The following TNPO3 variants were observed in gnomAD, a reference collection of about 807,000 sequenced individuals.
TNPO3 encodes the protein transportin-3.
Under a neutral mutation model 122.8 loss-of-function variants are expected in TNPO3, and 65 were observed. The ratio of observed to expected loss-of-function variants is 0.53; its 90% confidence interval spans 0.43 to 0.65. The LOEUF (loss-of-function observed/expected upper bound fraction) is 0.65, where lower values mean the gene tolerates loss of function less well. TNPO3 is among the 30% of genes least tolerant of loss of function. The pLI is 0.00. For synonymous variants in TNPO3, 372 were observed against 411.2 expected (o/e 0.90, Z 1.15); for missense variants, 850 against 1,136.7 (o/e 0.75, Z 3.63).
chr7:128,965,340 T>G (rs1041639091), intron 21 of TNPO3, among the ~76,000 whole-genome samples: 8 of 152,098 alleles, frequency 5.3e-5, no homozygotes, highest in African/African-American at 1.9e-4. Flanking sequence ...ATGCTCAACA[T>G]CACTAATCAT....
chr7:128,962,775 G>A (rs1343797460), intron 21 of TNPO3, among the ~76,000 whole-genome samples: 1 of 151,980 alleles, frequency 6.6e-6, no homozygotes, highest in Admixed American at 6.5e-5. Context: ...GGTTGGTGGT[G>A]CACCTTATTT....
chr7:128,966,515 G>A (rs562300827), intron 21 of TNPO3, among the ~76,000 whole-genome samples: 5 of 152,160 alleles, frequency 3.3e-5, no homozygotes, highest in African/African-American at 7.2e-5. Flanking sequence ...CCTTTGATTC[G>A]GTGATTACAT....
chr7:128,987,668 T>C (rs1403140229), intron 11 of TNPO3, among the ~76,000 whole-genome samples: 1 of 152,032 alleles, frequency 6.6e-6, no homozygotes, highest in Non-Finnish European at 1.5e-5. Context: ...GCAACCTCCA[T>C]CTCGCAGGTT....
chr7:129,040,596 T>G (rs1382227766), intron 1 of TNPO3, among the ~76,000 whole-genome samples: 1 of 152,120 alleles, frequency 6.6e-6, no homozygotes, highest in East Asian at 1.9e-4. Context: ...GAAAATTACC[T>G]CTCGTTAAAA....
intron 21 of TNPO3, among the ~76,000 whole-genome samples, chr7:128,962,103 C>T (rs966677491): frequency 2.7e-4 from 41 of 151,860 alleles, no homozygotes; most frequent in Non-Finnish European, 4.0e-4. Context: ...CGGTGGCTCA[C>T]ACCTGTAATC....
intron 7 of TNPO3, among the ~76,000 whole-genome samples, chr7:128,998,352 C>A (rs1346391536): frequency 1.3e-5 from 2 of 152,078 alleles, no homozygotes; most frequent in East Asian, 2.0e-4. Context: ...AGAGTGAGAC[C>A]CTGTCTCAAA....
chr7:128,958,435 G>T (rs6966382), intron 21 of TNPO3, among the ~76,000 whole-genome samples: 2,046 of 152,174 alleles, frequency 0.013, 34 homozygotes, highest in African/African-American at 0.046. Context: ...GAGCCACCGC[G>T]CCCAGCCAGG....
Position 129,001,056 on chromosome 7 carries a change from CACTT to C in TNPO3, c.871_872+2del. The C allele has an allele frequency of 1.2e-6, 2 of 1,613,356 alleles. No individual in the cohort carries two copies. Among genetic ancestry groups the C allele is most frequent in the Non-Finnish European group, 1.7e-6 (2 of 1,179,326 alleles). On this transcript the variant is annotated splice_donor_variant and coding_sequence_variant, in exon 6 of 23. Transcript: ENST00000265388. LOFTEE classifies it high-confidence loss of function. Reference sequence around the variant, plus strand: ...AGGGCTCCAGACTTAAACAATTACTCACTTGTCTAAATCTTCACGTGCCACGGCC... The same window carrying C: ...AGGGCTCCAGACTTAAACAATTACTCGTCTAAATCTTCACGTGCCACGGCC...
At chr7:128,961,584 A>G (rs1797463870) in intron 21 of TNPO3, among the ~76,000 whole-genome samples, 1 of 152,156 alleles carries the variant, frequency 6.6e-6, no homozygotes, top group Non-Finnish European at 1.5e-5. Context: ...CTGACGTTTG[A>G]TATTTCTTAG....
Position 128,997,432 on chromosome 7 carries a change from AG to A in TNPO3, c.1114del (p.Leu372CysfsTer30). ...HGIFKAYIQR[L>X]LHALARHCQL... ...GCAGTGTCGAGCCAAGGCGTGAAGCAGCCTCTGAATGTAAGCTTTGAAGATG... is the reference window on the plus strand; with the variant it reads ...GCAGTGTCGAGCCAAGGCGTGAAGCACCTCTGAATGTAAGCTTTGAAGATG... On this transcript the variant is annotated frameshift_variant, in exon 8 of 23. Transcript: ENST00000265388. LOFTEE classifies it high-confidence loss of function. 1 of 1,614,226 alleles carries A rather than the reference AG, an allele frequency of 6.2e-7. No homozygotes were observed. The highest frequency in any genetic ancestry group is 8.5e-7 in the Non-Finnish European group (1 of 1,180,012).
chr7:129,041,699 G>A (rs1807396456), intron 1 of TNPO3: 1 of 985,456 alleles, frequency 1.0e-6, no homozygotes, highest in Non-Finnish European at 1.2e-6. Flanking sequence ...GCTCCCACTA[G>A]CAGCACATTT....
intron 1 of TNPO3, among the ~76,000 whole-genome samples, chr7:129,019,854 G>T (rs566086019): frequency 6.6e-6 from 1 of 151,960 alleles, no homozygotes; most frequent in African/African-American, 2.4e-5. Flanking sequence ...AAATTAGGCG[G>T]GTGTAGTGGC....
At chr7:129,003,039 C>CAAAAAAAAAAAAAAA (rs56226072) in intron 5 of TNPO3, among the ~76,000 whole-genome samples, 50 of 53,270 alleles carry the variant, frequency 9.4e-4, no homozygotes, top group Non-Finnish European at 1.2e-3. Flanking sequence ...GACTCCCTCT[C>CAAAAAAAAAAAAAAA]AAAAAAAAAA....
intron 4 of TNPO3, among the ~76,000 whole-genome samples, chr7:129,014,242 A>T (rs1159731922): frequency 6.6e-6 from 1 of 152,148 alleles, no homozygotes; most frequent in East Asian, 1.9e-4. Context: ...AATACATGTC[A>T]CTGGGCACAG....
chr7:129,026,412 T>C (rs1424206748), intron 1 of TNPO3, among the ~76,000 whole-genome samples: 2 of 148,998 alleles, frequency 1.3e-5, no homozygotes, highest in African/African-American at 2.5e-5. Context: ...TTTTTTTTTT[T>C]TTTTTTTGAG....
At chr7:128,960,671 G>A (rs1045104691) in intron 21 of TNPO3, among the ~76,000 whole-genome samples, 1 of 151,684 alleles carries the variant, frequency 6.6e-6, no homozygotes, top group African/African-American at 2.4e-5. Context: ...TTTTAAGCTA[G>A]GTGTTATTAC....
intron 1 of TNPO3, among the ~76,000 whole-genome samples, chr7:129,044,431 C>G (rs977074103): frequency 6.6e-5 from 10 of 152,100 alleles, no homozygotes; most frequent in Non-Finnish European, 1.5e-4. Flanking sequence ...TAAGTAAAAA[C>G]CATTATGCAA....
intron 1 of TNPO3, among the ~76,000 whole-genome samples, chr7:129,054,196 G>GAC: frequency 6.6e-6 from 1 of 152,254 alleles, no homozygotes; most frequent in African/African-American, 2.4e-5. Flanking sequence ...AGTGAAAATA[G>GAC]GCAAAAAGAG....
intron 1 of TNPO3, among the ~76,000 whole-genome samples, chr7:129,050,405 T>TA (rs796197757): frequency 2.1e-5 from 2 of 95,932 alleles, no homozygotes; most frequent in South Asian, 3.4e-4. Flanking sequence ...AAAAAAAGGG[T>TA]GGGGGGGGAA....
Sources: allele counts gnomAD v4.1 joint callset (sites outside exome capture counted in the v4.1 genomes callset), GRCh38; gene constraint gnomAD v4.1.1; transcripts MANE v1.5; gene names NCBI Gene and HGNC (gene_info 2026-07-23, HGNC 2026-07-21).